ITGA8: variants seen among roughly 807,000 people sequenced by gnomAD.
The protein encoded by ITGA8 is integrin subunit alpha 8, also known as integrin alpha-8.
In ITGA8, 91 loss-of-function variants were observed where a neutral mutation model predicts 142.3. The observed-to-expected ratio is 0.64, with a 90% CI of 0.54 to 0.76. The LOEUF (loss-of-function observed/expected upper bound fraction) is 0.76, where lower values mean the gene tolerates loss of function less well. Among genes scored for constraint, ITGA8 ranks in the 30% least tolerant of loss-of-function variants. The pLI is 0.00. For missense variants in ITGA8, 1,406 were observed against 1,327.7 expected, an observed-to-expected ratio of 1.06 and a Z score of -0.92; for synonymous variants, 505 against 485.2, an observed-to-expected ratio of 1.04 and a Z score of -0.54.
At chr10:15,553,302 G>GTTTTTTTTTTTTTT (rs5783451) in intron 26 of ITGA8, among the ~76,000 whole-genome samples, 1 of 131,140 alleles carries the variant, frequency 7.6e-6, no homozygotes. Context: ...AGTTGCCATA[G>GTTTTTTTTTTTTTT]TTTTTTTTTT....
chr10:15,675,388 C>G (rs1018582129), intron 6 of ITGA8, among the ~76,000 whole-genome samples: 2 of 152,178 alleles, frequency 1.3e-5, no homozygotes, highest in African/African-American at 4.8e-5. Flanking sequence ...CCCTTACCAC[C>G]TTTCTTCCCT....
chr10:15,714,687 A>G (rs1357607248), intron 2 of ITGA8, among the ~76,000 whole-genome samples: 1 of 152,212 alleles, frequency 6.6e-6, no homozygotes, highest in Non-Finnish European at 1.5e-5. Context: ...AATAAAATAA[A>G]TAATGATTAT....
At chr10:15,540,055 T>A (rs1054569169) in intron 27 of ITGA8, among the ~76,000 whole-genome samples, 8 of 152,206 alleles carry the variant, frequency 5.3e-5, no homozygotes, top group African/African-American at 1.9e-4. Context: ...TCCCCAGCCA[T>A]GTGGAACTGT....
intron 2 of ITGA8, among the ~76,000 whole-genome samples, chr10:15,716,075 C>T (rs866470620): frequency 1.3e-5 from 2 of 152,220 alleles, no homozygotes; most frequent in African/African-American, 4.8e-5. Context: ...CCAGTGGGAC[C>T]TCCCTGTCTT....
At chr10:15,614,777 G>A (rs1833363683) in intron 14 of ITGA8, among the ~76,000 whole-genome samples, 1 of 152,138 alleles carries the variant, frequency 6.6e-6, no homozygotes, top group Non-Finnish European at 1.5e-5. Flanking sequence ...TGGGCCTGAT[G>A]GGATTCCTCC....
chr10:15,572,001 AG>A (rs1226323849), intron 25 of ITGA8, among the ~76,000 whole-genome samples: 1 of 152,374 alleles, frequency 6.6e-6, no homozygotes, highest in African/African-American at 2.4e-5. Context: ...AGTCACCATA[AG>A]CAACAAAACA....
At chr10:15,707,620 C>T (rs1030956714) in intron 2 of ITGA8, among the ~76,000 whole-genome samples, 10 of 151,934 alleles carry the variant, frequency 6.6e-5, no homozygotes, top group African/African-American at 2.2e-4. Context: ...GTCAGCAGTT[C>T]GAGAGCAGCC....
intron 27 of ITGA8, among the ~76,000 whole-genome samples, chr10:15,544,454 T>C (rs969185625): frequency 2.0e-5 from 3 of 152,198 alleles, no homozygotes; most frequent in Admixed American, 6.5e-5. Flanking sequence ...GGTTTTGGAC[T>C]TTGAGAGAAT....
intron 2 of ITGA8, among the ~76,000 whole-genome samples, chr10:15,693,144 C>T (rs915988702): frequency 3.3e-5 from 5 of 152,200 alleles, no homozygotes; most frequent in African/African-American, 1.2e-4. Context: ...TCAACTATTT[C>T]ACACATGGTT....
chr10:15,636,849 T>G (rs1833779774), intron 13 of ITGA8, among the ~76,000 whole-genome samples: 1 of 152,052 alleles, frequency 6.6e-6, no homozygotes. Flanking sequence ...GGCACAATAG[T>G]GAAAAATGAA....
At chr10:15,551,628 A>G (rs975082935) in intron 26 of ITGA8, among the ~76,000 whole-genome samples, 2 of 152,162 alleles carry the variant, frequency 1.3e-5, no homozygotes. Context: ...TTTAGATACA[A>G]ATTTTTCCTG....
chr10:15,580,895 A>G (rs1194215978), intron 23 of ITGA8, among the ~76,000 whole-genome samples: 1 of 152,202 alleles, frequency 6.6e-6, no homozygotes, highest in Non-Finnish European at 1.5e-5. Flanking sequence ...TACCGCTTCT[A>G]TTGATCATGC....
chr10:15,620,596 T>C (rs912252922), intron 13 of ITGA8, among the ~76,000 whole-genome samples: 1 of 152,244 alleles, frequency 6.6e-6, no homozygotes, highest in Non-Finnish European at 1.5e-5. Flanking sequence ...AAAAGTATGT[T>C]TGCCTTTAGA....
chr10:15,700,681 T>A (rs911092275), intron 2 of ITGA8, among the ~76,000 whole-genome samples: 2 of 152,066 alleles, frequency 1.3e-5, no homozygotes, highest in Non-Finnish European at 2.9e-5. Context: ...AACAAAGGAC[T>A]AATATCCAGA....
rs1833940598 is a variant in ITGA8, at chr10:15,644,488, AT to A, written c.1208-268del. On this transcript the variant is annotated intron_variant, in intron 12 of 29. Coordinates refer to ENST00000378076, the MANE Select transcript of ITGA8 (RefSeq NM_003638.3). ...TATATATATATATATATATATATAT[AT>A]ATAGAATTTTTTTTTTTTTTTGAGC... 3.8e-3 allele frequency among the ~76,000 whole-genome samples: 41 copies of A among 10,792 alleles called. 1 individual carries two copies. Among genetic ancestry groups the A allele is most frequent in the South Asian group, 8.1e-3 (1 of 124 alleles). 7.1% of individuals were successfully genotyped at this position (10,792 alleles called of 152,430 possible).
At chr10:15,582,748 A>G (rs1410391024) in intron 23 of ITGA8, among the ~76,000 whole-genome samples, 1 of 152,266 alleles carries the variant, frequency 6.6e-6, no homozygotes. Context: ...GCTTACTAGA[A>G]TGACTAAATA....
intron 20 of ITGA8, among the ~76,000 whole-genome samples, chr10:15,599,668 C>T (rs1392521873): frequency 6.6e-6 from 1 of 151,898 alleles, no homozygotes; most frequent in African/African-American, 2.4e-5. Context: ...TATCTGTAAT[C>T]CCAGCACTTT....
intron 15 of ITGA8, among the ~76,000 whole-genome samples, chr10:15,612,940 C>T (rs1425993286): frequency 6.6e-6 from 1 of 152,214 alleles, no homozygotes; most frequent in South Asian, 2.1e-4. Flanking sequence ...GCAGGTGGAT[C>T]ACCTGAGGTC....
intron 27 of ITGA8, among the ~76,000 whole-genome samples, chr10:15,544,266 C>G (rs1490348178): frequency 6.6e-6 from 1 of 152,028 alleles, no homozygotes; most frequent in South Asian, 2.1e-4. Context: ...CCACTTCACT[C>G]CAGCTTGGAT....
Sources: gnomAD v4.1 joint callset for allele counts (sites outside exome capture counted in the v4.1 genomes callset) on GRCh38, gnomAD v4.1.1 for gene constraint, MANE v1.5 for transcripts, NCBI Gene and HGNC (gene_info 2026-07-23, HGNC 2026-07-21) for gene names.